OXR1: variants seen among roughly 807,000 people sequenced by gnomAD.
OXR1 encodes oxidation resistance protein 1.
A neutral mutation model predicts 104.6 loss-of-function variants in OXR1; 41 were observed. The ratio of observed to expected loss-of-function variants is 0.39; its 90% CI spans 0.31 to 0.51. The LOEUF (loss-of-function observed/expected upper bound fraction) is 0.51, where lower values mean the gene tolerates loss of function less well. Among genes scored for constraint, OXR1 ranks in the 20% least tolerant of loss-of-function variants. OXR1 has a pLI of 0.77. For missense variants in OXR1, 955 were observed against 1,031.9 expected, an observed-to-expected ratio of 0.93 and a Z score of 1.02; for synonymous variants, 348 against 348.4, an observed-to-expected ratio of 1.00 and a Z score of 0.01.
intron 2 of OXR1, among the ~76,000 whole-genome samples, chr8:106,448,630 G>T (rs546631498): frequency 1.3e-5 from 2 of 151,914 alleles, no homozygotes; most frequent in East Asian, 3.9e-4. Context: ...ACTAATAATA[G>T]CATAGGTCTA....
intron 1 of OXR1, among the ~76,000 whole-genome samples, chr8:106,302,438 A>C (rs544596084): frequency 1.8e-4 from 28 of 151,812 alleles, no homozygotes; most frequent in African/African-American, 6.8e-4. Flanking sequence ...AAAAGAAATT[A>C]AGCCCGGCGT....
chr8:106,369,623 A>G (rs762996834), intron 2 of OXR1, among the ~76,000 whole-genome samples: 19 of 152,166 alleles, frequency 1.2e-4, no homozygotes, highest in Non-Finnish European at 2.5e-4. Flanking sequence ...ATGGCTAGTC[A>G]GTTTTCCCAG....
At chr8:106,498,054 G>T (rs1370701992) in intron 2 of OXR1, among the ~76,000 whole-genome samples, 2 of 152,088 alleles carry the variant, frequency 1.3e-5, no homozygotes, top group African/African-American at 4.8e-5. Context: ...TTTGTCTTCT[G>T]ATTATAATTC....
intron 16 of OXR1, among the ~76,000 whole-genome samples, chr8:106,747,563 T>G (rs1352505249): frequency 5.3e-5 from 8 of 152,226 alleles, no homozygotes; most frequent in Non-Finnish European, 8.8e-5. Flanking sequence ...TGAATCATCT[T>G]TGAAAGCATT....
At chr8:106,299,413 G>A (rs1327958327) in intron 1 of OXR1, among the ~76,000 whole-genome samples, 1 of 152,098 alleles carries the variant, frequency 6.6e-6, no homozygotes, top group African/African-American at 2.4e-5. Flanking sequence ...CAGTATAGTA[G>A]CACATTAGAG....
At chr8:106,308,976 A>AT (rs11372941) in intron 1 of OXR1, among the ~76,000 whole-genome samples, 44,816 of 143,734 alleles carry the variant, frequency 0.31, 6,900 homozygotes, top group East Asian at 0.56. Context: ...TTAAATTTTA[A>AT]TTTTTTTTTT....
chr8:106,578,458 C>T (rs1477379971), intron 3 of OXR1, among the ~76,000 whole-genome samples: 8 of 152,198 alleles, frequency 5.3e-5, no homozygotes, highest in African/African-American at 1.9e-4. Flanking sequence ...CAGGGATACT[C>T]ATATGGTAAC....
intron 3 of OXR1, among the ~76,000 whole-genome samples, chr8:106,574,759 C>T (rs2130584678): frequency 6.6e-6 from 1 of 152,326 alleles, no homozygotes; most frequent in Non-Finnish European, 1.5e-5. Flanking sequence ...TTCTTATACA[C>T]TTATGAAAAT....
At chr8:106,635,452 T>C (rs1469033028) in intron 3 of OXR1, among the ~76,000 whole-genome samples, 2 of 152,130 alleles carry the variant, frequency 1.3e-5, no homozygotes, top group African/African-American at 2.4e-5. Context: ...TTTGTTTTTG[T>C]TTTTGTTTTT....
intron 3 of OXR1, among the ~76,000 whole-genome samples, chr8:106,561,544 G>A (rs562158859): frequency 2.6e-5 from 4 of 152,290 alleles, no homozygotes; most frequent in East Asian, 1.9e-4. Flanking sequence ...GGCTGTGGGC[G>A]CAGCTTCAGC....
rs1470965601 is a variant in OXR1 at position 106,375,277 on chromosome 8, A to G, written c.23+15641A>G. Among the ~76,000 whole-genome samples, 4 of 152,216 alleles carry G rather than the reference A, an allele frequency of 2.6e-5. No individual in the cohort carries two copies. In the East Asian group the frequency reaches 5.8e-4, roughly 22 times the overall value. ...GATGATATAAAAAGATTTAAAAGCC[A>G]TCTATTATTAGGTTGGTGCAAAAGT... On this transcript the variant is annotated intron_variant, in intron 2 of 16. Coordinates refer to ENST00000517566, the MANE Select transcript of OXR1 (RefSeq NM_001198533.2).
chr8:106,698,314 C>G (rs1050589208), intron 7 of OXR1, among the ~76,000 whole-genome samples: 1 of 152,094 alleles, frequency 6.6e-6, no homozygotes, highest in African/African-American at 2.4e-5. Flanking sequence ...TTTGGTTGCA[C>G]TTAAGATGTT....
intron 2 of OXR1, among the ~76,000 whole-genome samples, chr8:106,454,130 T>G (rs1418853442): frequency 6.6e-6 from 1 of 152,188 alleles, no homozygotes; most frequent in Non-Finnish European, 1.5e-5. Flanking sequence ...ATGAATCTCT[T>G]TCTACCTGCA....
At chr8:106,490,723 G>T (rs1463067558) in intron 2 of OXR1, among the ~76,000 whole-genome samples, 1 of 152,072 alleles carries the variant, frequency 6.6e-6, no homozygotes. Flanking sequence ...TGGTGAGAAG[G>T]ACTGAAGATG....
chr8:106,596,031 T>C (rs1163593502), intron 3 of OXR1, among the ~76,000 whole-genome samples: 1 of 152,252 alleles, frequency 6.6e-6, no homozygotes, highest in Non-Finnish European at 1.5e-5. Context: ...ATATAAATTT[T>C]AGCAAAACTT....
intron 1 of OXR1, among the ~76,000 whole-genome samples, chr8:106,285,374 T>A (rs956978709): frequency 6.6e-6 from 1 of 152,212 alleles, no homozygotes; most frequent in African/African-American, 2.4e-5. Flanking sequence ...TGCCTCATTT[T>A]TAGTGTTAAC....
rs1350709602 is a variant in OXR1, at chr8:106,751,209, A to G, written c.*268A>G. On this transcript the variant is annotated 3_prime_UTR_variant, in exon 17 of 17. Coordinates refer to ENST00000517566, the MANE Select transcript of OXR1 (RefSeq NM_001198533.2). ...GAATTTGGGCAACATTTTGATTATA[A>G]TGACAACTTCATTTTCACATGTTAC... 3.8e-6 allele frequency: 1 copy of G among 262,740 alleles called. No individual in the cohort carries two copies. The highest frequency in any genetic ancestry group is 7.1e-6 in the Non-Finnish European group (1 of 140,542). The allele number at this position is 262,740 out of a possible 1,614,324, so 16.3% of individuals were successfully genotyped here. A position where few individuals can be genotyped will look rare whatever the true frequency, so the allele number is the denominator to read the frequency against.
intron 2 of OXR1, among the ~76,000 whole-genome samples, chr8:106,399,682 A>G (rs1477049822): frequency 1.3e-5 from 2 of 152,188 alleles, no homozygotes; most frequent in East Asian, 3.9e-4. Flanking sequence ...TCCCACTTTA[A>G]CCAAACAGAT....
At chr8:106,383,072 G>A (rs1005422112) in intron 2 of OXR1, among the ~76,000 whole-genome samples, 9 of 151,692 alleles carry the variant, frequency 5.9e-5, no homozygotes, top group African/African-American at 2.2e-4. Flanking sequence ...AGGAAAGATT[G>A]GTAACCATAT....
Sources: allele counts gnomAD v4.1 joint callset (sites outside exome capture counted in the v4.1 genomes callset), GRCh38; gene constraint gnomAD v4.1.1; transcripts MANE v1.5; gene names NCBI Gene and HGNC (gene_info 2026-07-23, HGNC 2026-07-21).